Variants in PLAT observed in about 807,000 individuals in gnomAD.
The protein encoded by PLAT is plasminogen activator, tissue type, also known as tissue-type plasminogen activator.
A neutral mutation model predicts 74.9 loss-of-function variants in PLAT; 48 were observed. The observed-to-expected ratio is 0.64, with a 90% CI of 0.51 to 0.82. PLAT has a LOEUF of 0.82. Ranked by LOEUF, PLAT falls within the 40% of genes least tolerant of loss-of-function variation. The pLI is 0.00. For synonymous variants in PLAT, 307 were observed against 294.4 expected, an observed-to-expected ratio of 1.04 and a Z score of -0.44; for missense variants, 673 against 736.2, an observed-to-expected ratio of 0.91 and a Z score of 0.99.
chr8:42,184,463 A>G (rs981111316), intron 7 of PLAT, among the ~76,000 whole-genome samples: 15 of 151,962 alleles, frequency 9.9e-5, no homozygotes, highest in Non-Finnish European at 2.2e-4. Context: ...AGGTTCAAGC[A>G]ATTCTCCTGC....
intron 7 of PLAT, among the ~76,000 whole-genome samples, chr8:42,184,125 G>A (rs756671708): frequency 1.3e-5 from 2 of 151,960 alleles, no homozygotes; most frequent in Non-Finnish European, 2.9e-5. Flanking sequence ...ATTTTTTGTA[G>A]AGATGGAGTC....
rs772692972 is a variant in PLAT at position 42,176,161 on chromosome 8, A to T, written c.1531-10T>A. ...GGCCTCCCGAATCGCCCTGCAAAGG[A>T]GATAGCAGGTTTGGCGTTTGCAAAA... On this transcript the variant is annotated splice_polypyrimidine_tract_variant and intron_variant, in intron 13 of 13. Transcript: ENST00000220809. 6 of 1,609,516 alleles carry T rather than the reference A, an allele frequency of 3.7e-6. No homozygotes were observed. In the South Asian group the frequency reaches 5.5e-5, roughly 15 times the overall value.
chr8:42,176,559 C>G (rs1484399434), intron 13 of PLAT, among the ~76,000 whole-genome samples: 1 of 152,208 alleles, frequency 6.6e-6, no homozygotes, highest in Non-Finnish European at 1.5e-5. Flanking sequence ...CCGGAATAAG[C>G]ACGTTGGAAA....
rs1036121759 is a variant in PLAT, at chr8:42,180,405, T to G, written c.1086-27A>C. ...TGGTGGAGAAACAGCCTTAGAATGCTTTTTTTGCTGTGGGATTTCCCCTAA... is the reference window on the plus strand; with the variant it reads ...TGGTGGAGAAACAGCCTTAGAATGCGTTTTTTGCTGTGGGATTTCCCCTAA... On this transcript the variant is annotated intron_variant, in intron 10 of 13. Transcript: ENST00000220809. 2.5e-6 allele frequency: 4 copies of G among 1,613,740 alleles called. No homozygotes were observed. The African/African-American group carries it at 4.0e-5, about 16-fold the overall frequency.
At position 42,191,493 on chromosome 8, in the gene PLAT, C is replaced by G; in HGVS notation, c.73-79G>C. On this transcript the variant is annotated intron_variant, in intron 2 of 13. Transcript: ENST00000220809. ...AGTAAAGGCGGCCAACCCAGAAGCC[C>G]ATGTGAACCTGCCGGCCAGATACCT... 6 of 1,317,540 alleles carry G rather than the reference C, an allele frequency of 4.6e-6. No homozygotes were observed. The South Asian group carries it at 7.1e-5, about 16-fold the overall frequency. 81.6% of individuals were successfully genotyped at this position (1,317,540 alleles called of 1,614,324 possible).
intron 1 of PLAT, among the ~76,000 whole-genome samples, chr8:42,198,601 G>A (rs939715283): frequency 6.6e-6 from 1 of 152,222 alleles, no homozygotes; most frequent in African/African-American, 2.4e-5. Context: ...GAGAATTATA[G>A]TCTGTACTCT....
At chr8:42,206,144 G>A (rs933112333) in intron 1 of PLAT, among the ~76,000 whole-genome samples, 2 of 152,210 alleles carry the variant, frequency 1.3e-5, no homozygotes, top group African/African-American at 2.4e-5. Flanking sequence ...CTGGTCTTGG[G>A]GAGTCGGGCA....
intron 13 of PLAT, among the ~76,000 whole-genome samples, chr8:42,177,950 G>C (rs551574934): frequency 6.6e-6 from 1 of 152,162 alleles, no homozygotes; most frequent in Non-Finnish European, 1.5e-5. Context: ...AGCTTCGCAC[G>C]CTGCAGGCAC....
intron 1 of PLAT, chr8:42,206,728 CAG>C (rs1300970667): frequency 6.6e-6 from 1 of 152,134 alleles, no homozygotes; most frequent in Non-Finnish European, 1.5e-5. Context: ...AAGATAATAA[CAG>C]TGAAAATCTG....
chr8:42,180,756 G>T, intron 9 of PLAT, 71 bp from the exon 10 acceptor site: 3 of 1,177,954 alleles, frequency 2.5e-6, no homozygotes, highest in Admixed American at 2.5e-5. Context: ...GAGTGAGGAG[G>T]CCATCAGCAT....
At chr8:42,203,156 AC>A (rs1189264982) in intron 1 of PLAT, among the ~76,000 whole-genome samples, 3 of 152,236 alleles carry the variant, frequency 2.0e-5, no homozygotes, top group African/African-American at 4.8e-5. Context: ...CATAAAAAAA[AC>A]AAAAGGCTCT....
intron 1 of PLAT, among the ~76,000 whole-genome samples, chr8:42,205,508 A>C (rs1309130637): frequency 6.6e-6 from 1 of 152,164 alleles, no homozygotes; most frequent in African/African-American, 2.4e-5. Flanking sequence ...CCTGGGCAAA[A>C]AGAGTGAAAC....
chr8:42,204,690 G>A (rs1342726112), intron 1 of PLAT, among the ~76,000 whole-genome samples: 1 of 147,410 alleles, frequency 6.8e-6, no homozygotes, highest in Non-Finnish European at 1.5e-5. Flanking sequence ...ACCCCAGCCT[G>A]GTGAAAAAGC....
intron 5 of PLAT, 26 bp downstream of exon 5, chr8:42,187,880 C>T (rs370606205): frequency 9.2e-6 from 13 of 1,419,264 alleles, no homozygotes; most frequent in African/African-American, 8.4e-5. Context: ...GATTTCAGCT[C>T]GTTTCACGTG....
intron 13 of PLAT, 78 bp from the exon 14 acceptor site, chr8:42,176,229 A>T (rs1162894145): frequency 2.9e-6 from 3 of 1,029,884 alleles, no homozygotes; most frequent in East Asian, 5.2e-5. Flanking sequence ...TAGCATGAAC[A>T]TCGTAATCTT....
chr8:42,179,121 AAG>A, intron 12 of PLAT, 58 bp from the exon 13 acceptor site: 1 of 1,345,254 alleles, frequency 7.4e-7, no homozygotes, highest in African/African-American at 1.4e-5. Context: ...ACGTTTTTGA[AAG>A]AGAAAGCCAA....
intron 4 of PLAT, 35 bp from the exon 5 acceptor site, chr8:42,188,051 G>A (rs763520152): frequency 7.7e-7 from 1 of 1,293,750 alleles, no homozygotes; most frequent in Non-Finnish European, 1.1e-6. Flanking sequence ...CCTAATGACA[G>A]CCTCCTTCTG....
chr8:42,180,637 C>A lies in PLAT; in HGVS notation c.938G>T (p.Gly313Val). The change falls in exon 10 of 14, where the codon GGA (glycine) becomes GTA (valine). Residue 313 changes from glycine (G) to valine (V), a missense_variant. Gly to Val is a moderately radical substitution (Grantham distance 109). Coordinates refer to ENST00000220809, the MANE Select transcript of PLAT (RefSeq NM_000930.5). ...GGAGGCGATGTCGGCGAAGAGCCCTCCTTTGATGCGAAACTGAGGCTGGCT... is the reference window on the plus strand; with the variant it reads ...GGAGGCGATGTCGGCGAAGAGCCCTACTTTGATGCGAAACTGAGGCTGGCT... The part of the protein sequence containing the change: ...QYSQPQFRIK[G>V]GLFADIASHP... 1 of 1,607,230 alleles carries A rather than the reference C, an allele frequency of 6.2e-7. No homozygotes were observed. The highest frequency in any genetic ancestry group is 8.5e-7 in the Non-Finnish European group (1 of 1,175,832).
At chr8:42,203,491 T>G (rs1008725162) in intron 1 of PLAT, among the ~76,000 whole-genome samples, 3 of 152,180 alleles carry the variant, frequency 2.0e-5, no homozygotes, top group African/African-American at 4.8e-5. Context: ...CAAAGTTGAG[T>G]TCAAAAATGT....
Sources: allele counts gnomAD v4.1 joint callset (sites outside exome capture counted in the v4.1 genomes callset), GRCh38; gene constraint gnomAD v4.1.1; transcripts MANE v1.5; gene names NCBI Gene and HGNC (gene_info 2026-07-23, HGNC 2026-07-21).